KIT: variants seen among roughly 807,000 people sequenced by gnomAD.
KIT encodes mast/stem cell growth factor receptor Kit.
A neutral mutation model predicts 105.7 loss-of-function variants in KIT; 16 were observed. The observed-to-expected ratio is 0.15, with a 90% confidence interval of 0.10 to 0.23. The LOEUF is 0.23. KIT is among the 10% of genes least tolerant of loss of function. The pLI is 1.00. For missense variants in KIT, 858 were observed against 1,213.8 expected (o/e 0.71, Z 4.36); for synonymous variants, 438 against 441.1 (o/e 0.99, Z 0.09).
chr4:54,659,124 G>T (rs988249854), intron 1 of KIT, among the ~76,000 whole-genome samples: 2 of 152,110 alleles, frequency 1.3e-5, no homozygotes, highest in Non-Finnish European at 2.9e-5. Context: ...CCGCCTCCCC[G>T]CCCCCGGGAC....
intron 11 of KIT, 132 bp from the exon 12 acceptor site, chr4:54,727,691 A>T (rs988923995): frequency 1.9e-5 from 24 of 1,280,056 alleles, no homozygotes; most frequent in Non-Finnish European, 2.6e-5. Context: ...TTTGCCATAG[A>T]GAACATCGTA....
chr4:54,678,338 TTCCTTC>T lies in KIT; in HGVS notation c.68-17173_68-17168del, dbSNP rs1560381265. Among the ~76,000 whole-genome samples, 24 of 96,320 alleles carry T rather than the reference TTCCTTC, an allele frequency of 2.5e-4. 1 individual carries two copies. The highest frequency in any genetic ancestry group is 1.4e-3 in the African/African-American group (24 of 17,316). 63.2% of individuals were successfully genotyped at this position (96,320 alleles called of 152,430 possible). Reference sequence around the variant, plus strand: ...CTTCCTTCCTTCCTTCCTTCCTTCCTTCCTTCCTTCCTTCCCTCCCTCCCTCCCTCC... The same window carrying T: ...CTTCCTTCCTTCCTTCCTTCCTTCCTCTTCCTTCCCTCCCTCCCTCCCTCC... On this transcript the variant is annotated intron_variant, in intron 1 of 20. Coordinates refer to ENST00000288135, the MANE Select transcript of KIT (RefSeq NM_000222.3).
chr4:54,658,871 T>A (rs1170524096), intron 1 of KIT, among the ~76,000 whole-genome samples: 1 of 152,122 alleles, frequency 6.6e-6, no homozygotes, highest in African/African-American at 2.4e-5. Context: ...CGCCCCTTTC[T>A]GCCGCGGCGC....
In KIT at chr4:54,727,561, C is replaced by CT; in HGVS notation, c.1774+22dup. 1 of 1,613,972 alleles carries CT rather than the reference C, an allele frequency of 6.2e-7. No homozygotes were observed. The highest frequency in any genetic ancestry group is 8.5e-7 in the Non-Finnish European group (1 of 1,179,920). On this transcript the variant is annotated intron_variant, in intron 11 of 20. Transcript: ENST00000288135. ...AGTTTTGGTCAGTATGAAACAGGGGCTTTCCATGTCACCTTTTTGGGTACA... is the reference window on the plus strand; with the variant it reads ...AGTTTTGGTCAGTATGAAACAGGGGCTTTTCCATGTCACCTTTTTGGGTACA...
intron 16 of KIT, 140 bp downstream of exon 16, chr4:54,732,138 C>G (rs919468125): frequency 4.1e-6 from 4 of 973,764 alleles, no homozygotes; most frequent in African/African-American, 3.5e-5. Context: ...TAACCAAAAG[C>G]AGAGGAAATT....
At chr4:54,714,087 A>G (rs1300565075) in intron 7 of KIT, among the ~76,000 whole-genome samples, 2 of 152,228 alleles carry the variant, frequency 1.3e-5, no homozygotes, top group Non-Finnish European at 2.9e-5. Flanking sequence ...AACTTTTGGA[A>G]TTGCTTATCC....
chr4:54,677,164 T>C (rs1718538608), intron 1 of KIT, among the ~76,000 whole-genome samples: 1 of 152,080 alleles, frequency 6.6e-6, no homozygotes, highest in African/African-American at 2.4e-5. Context: ...GCAGTCCTCA[T>C]CTTTGTTGTT....
rs150072759 is a variant in KIT at position 54,693,168 on chromosome 4, A to G, written c.68-2344A>G. 2.0e-3 allele frequency among the ~76,000 whole-genome samples: 306 copies of G among 152,324 alleles called. 2 individuals carry two copies. Among genetic ancestry groups the G allele is most frequent in the African/African-American group, 6.9e-3 (287 of 41,560 alleles). ...GCAGCTTGTAGCCCTGGAGCAAACA[A>G]CACTTCCCACTCAATTGAAATTGTA... On this transcript the variant is annotated intron_variant, in intron 1 of 20. Coordinates refer to ENST00000288135, the MANE Select transcript of KIT (RefSeq NM_000222.3).
Position 54,731,522 on chromosome 4 carries a change from C to A in KIT, c.2233+103C>A, listed in dbSNP as rs1327776772. 1.9e-5 allele frequency: 17 copies of A among 876,416 alleles called. No individual in the cohort carries two copies. In the East Asian group the frequency reaches 4.2e-4, roughly 22 times the overall value. 54.3% of individuals were successfully genotyped at this position (876,416 alleles called of 1,614,324 possible). On this transcript the variant is annotated intron_variant, in intron 15 of 20. Coordinates refer to ENST00000288135, the MANE Select transcript of KIT (RefSeq NM_000222.3). The stretch of plus-strand genomic sequence containing the variant: ...CATTCCCAGTAGCAATGATGCAGAC[C>A]AGTTCTGCTTTATGGTAGCAGTGCC...
chr4:54,735,994 C>T (rs920070924), intron 17 of KIT, among the ~76,000 whole-genome samples: 10 of 152,174 alleles, frequency 6.6e-5, no homozygotes, highest in South Asian at 4.1e-4. Flanking sequence ...GCAGAGGGCA[C>T]GTGCCAGCTA....
intron 6 of KIT, among the ~76,000 whole-genome samples, chr4:54,708,457 G>A (rs945635440): frequency 1.4e-4 from 21 of 152,216 alleles, no homozygotes; most frequent in African/African-American, 4.6e-4. Context: ...GGAGCTGAGC[G>A]GGGCTTTTGC....
At chr4:54,708,521 G>A (rs764985269) in intron 6 of KIT, among the ~76,000 whole-genome samples, 8 of 152,154 alleles carry the variant, frequency 5.3e-5, no homozygotes, top group Non-Finnish European at 1.0e-4. Context: ...CACGGTCAAC[G>A]TCTTCCAAGG....
At chr4:54,706,004 A>G (rs1217275659) in intron 5 of KIT, among the ~76,000 whole-genome samples, 4 of 152,142 alleles carry the variant, frequency 2.6e-5, no homozygotes, top group Non-Finnish European at 1.5e-5. Context: ...AATGTTAGCA[A>G]TTACTTTATT....
chr4:54,718,146 G>C (rs1185609248), intron 7 of KIT, among the ~76,000 whole-genome samples: 1 of 152,202 alleles, frequency 6.6e-6, no homozygotes, highest in Non-Finnish European at 1.5e-5. Flanking sequence ...CGTCGCCTAA[G>C]CTGTAGTGCA....
chr4:54,691,928 C>T (rs944281634), intron 1 of KIT, among the ~76,000 whole-genome samples: 3 of 152,022 alleles, frequency 2.0e-5, no homozygotes, highest in African/African-American at 7.2e-5. Flanking sequence ...ACATGTTTGG[C>T]AGATGATGGA....
At chr4:54,710,935 G>T (rs1261831016) in intron 7 of KIT, among the ~76,000 whole-genome samples, 1 of 152,168 alleles carries the variant, frequency 6.6e-6, no homozygotes, top group Non-Finnish European at 1.5e-5. Context: ...TGTCACCCAG[G>T]CTGGAGTGAT....
rs886059464 is a variant in KIT, at chr4:54,738,755, A to T, written c.*198A>T. 3.3e-5 allele frequency: 22 copies of T among 667,226 alleles called. No homozygotes were observed. Among genetic ancestry groups the T allele is most frequent in the Non-Finnish European group, 5.0e-5 (19 of 376,704 alleles). The allele number at this position is 667,226 out of a possible 1,614,324, so 41.3% of individuals were successfully genotyped here. On this transcript the variant is annotated 3_prime_UTR_variant, in exon 21 of 21. Transcript: ENST00000288135. ...ATCCTATTGCAAAGGTTCCAACTGT[A>T]TATATTCCCAATAGCAACGTAGCTT...
At chr4:54,674,673 G>A (rs906611680) in intron 1 of KIT, among the ~76,000 whole-genome samples, 2 of 152,142 alleles carry the variant, frequency 1.3e-5, no homozygotes, top group African/African-American at 4.8e-5. Context: ...TCCAAAATAA[G>A]TTATTAAAAA....
intron 1 of KIT, among the ~76,000 whole-genome samples, chr4:54,678,414 G>A (rs35643890): frequency 0.05 from 5,955 of 118,620 alleles, 303 homozygotes; most frequent in Admixed American, 0.16. Flanking sequence ...GCTCCTTCAC[G>A]TTGCCTTACC....
Sources: gnomAD v4.1 joint callset for allele counts (sites outside exome capture counted in the v4.1 genomes callset) on GRCh38, gnomAD v4.1.1 for gene constraint, MANE v1.5 for transcripts, NCBI Gene and HGNC (gene_info 2026-07-23, HGNC 2026-07-21) for gene names.